Variants in CLASP1 observed in about 807,000 individuals in gnomAD.
CLASP1 encodes CLIP-associating protein 1.
A neutral mutation model predicts 192.3 loss-of-function variants in CLASP1; 38 were observed. That is an observed-to-expected ratio of 0.20 (90% CI 0.15 to 0.26). CLASP1 has a LOEUF of 0.26. Ranked by LOEUF, CLASP1 falls within the 10% of genes least tolerant of loss-of-function variation. The pLI, the probability that CLASP1 is intolerant of heterozygous loss-of-function variation, is 1.00. For missense variants in CLASP1, 1,433 were observed against 1,932.5 expected (o/e 0.74, Z 4.85); for synonymous variants, 691 against 712.8 (o/e 0.97, Z 0.49).
chr2:121,476,966 T>G (rs1280177937), intron 8 of CLASP1, among the ~76,000 whole-genome samples: 2 of 152,252 alleles, frequency 1.3e-5, no homozygotes, highest in East Asian at 3.8e-4. Flanking sequence ...AGGCTGTTTC[T>G]GCTATCTGCA....
intron 2 of CLASP1, among the ~76,000 whole-genome samples, chr2:121,601,724 G>A (rs2063807454): frequency 6.6e-6 from 1 of 152,148 alleles, no homozygotes; most frequent in African/African-American, 2.4e-5. Context: ...GTCTCTGTTT[G>A]CAGATGACAT....
intron 2 of CLASP1, among the ~76,000 whole-genome samples, chr2:121,591,962 C>CA (rs1282100588): frequency 6.6e-6 from 1 of 152,192 alleles, no homozygotes; most frequent in Non-Finnish European, 1.5e-5. Flanking sequence ...TACTTCGAGC[C>CA]ATTTTCATCT....
At chr2:121,463,554 G>A (rs949838247) in intron 9 of CLASP1, among the ~76,000 whole-genome samples, 2 of 152,122 alleles carry the variant, frequency 1.3e-5, no homozygotes, top group African/African-American at 4.8e-5. Flanking sequence ...ATCCCATTGA[G>A]CAGATAGGCC....
chr2:121,520,995 G>A (rs749085128), intron 6 of CLASP1, among the ~76,000 whole-genome samples: 6 of 152,154 alleles, frequency 3.9e-5, no homozygotes, highest in Non-Finnish European at 7.3e-5. Context: ...CTGTGGGAAA[G>A]CTTCTAGAAA....
At chr2:121,599,093 G>C (rs1424372088) in intron 2 of CLASP1, among the ~76,000 whole-genome samples, 1 of 151,770 alleles carries the variant, frequency 6.6e-6, no homozygotes, top group Non-Finnish European at 1.5e-5. Flanking sequence ...GTGAACTCCT[G>C]GCCTCATGAT....
chr2:121,384,658 T>C (rs1010346870), intron 32 of CLASP1, among the ~76,000 whole-genome samples: 3 of 151,892 alleles, frequency 2.0e-5, no homozygotes, highest in Admixed American at 1.3e-4. Flanking sequence ...AATTCCAGCA[T>C]GTTGGGAGGC....
chr2:121,537,332 CAG>C (rs2095113949), intron 2 of CLASP1, among the ~76,000 whole-genome samples: 1 of 151,626 alleles, frequency 6.6e-6, no homozygotes, highest in Non-Finnish European at 1.5e-5. Flanking sequence ...GTTGAGGCTG[CAG>C]TGAGCCGTGA....
intron 2 of CLASP1, among the ~76,000 whole-genome samples, chr2:121,598,274 TTCAAGGCCAGC>T (rs2063378390): frequency 6.6e-6 from 1 of 152,124 alleles, no homozygotes; most frequent in Non-Finnish European, 1.5e-5. Flanking sequence ...CCAAAGAAAG[TTCAAGGCCAGC>T]TCACTGTAGA....
intron 8 of CLASP1, among the ~76,000 whole-genome samples, chr2:121,478,729 C>CACCA (rs2092044615): frequency 1.1e-5 from 1 of 88,852 alleles, no homozygotes; most frequent in African/African-American, 4.3e-5. Flanking sequence ...CACACACACA[C>CACCA]CACACACACA....
At chr2:121,391,933 G>GCAGTCA (rs2074426718) in intron 30 of CLASP1, among the ~76,000 whole-genome samples, 2 of 152,118 alleles carry the variant, frequency 1.3e-5, no homozygotes, top group Non-Finnish European at 2.9e-5. Flanking sequence ...AAAGAGACTC[G>GCAGTCA]CAGTCACAGT....
intron 7 of CLASP1, among the ~76,000 whole-genome samples, chr2:121,506,912 A>G (rs1269166360): frequency 6.6e-6 from 1 of 152,218 alleles, no homozygotes; most frequent in Non-Finnish European, 1.5e-5. Flanking sequence ...TCACTAGAAC[A>G]AAATAAGCAA....
chr2:121,461,852 T>A (rs567423247), intron 10 of CLASP1, among the ~76,000 whole-genome samples: 2 of 152,132 alleles, frequency 1.3e-5, no homozygotes, highest in Non-Finnish European at 2.9e-5. Flanking sequence ...GATTTTTGTA[T>A]CTTTTATAGA....
intron 2 of CLASP1, among the ~76,000 whole-genome samples, chr2:121,538,784 C>CA (rs201663446): frequency 0.061 from 6,437 of 105,778 alleles, 178 homozygotes; most frequent in East Asian, 0.2. Context: ...GACTCAGTCT[C>CA]AAAAAAAAAA....
rs144641893 is a variant in CLASP1 at position 121,522,026 on chromosome 2, AC to A, written c.546+3818del. Among the ~76,000 whole-genome samples, 345 of 152,258 alleles carry A rather than the reference AC, an allele frequency of 2.3e-3. 2 individuals are homozygous for A. The highest frequency in any genetic ancestry group is 7.8e-3 in the African/African-American group (323 of 41,540). ...AAAAGCACATGCAAGCTACACAAGAACCCCAGAAGCAGGAATAATTAACTTG... is the reference window on the plus strand; with the variant it reads ...AAAAGCACATGCAAGCTACACAAGAACCCAGAAGCAGGAATAATTAACTTG... On this transcript the variant is annotated intron_variant, in intron 6 of 39. Coordinates refer to ENST00000263710, the Ensembl canonical transcript of CLASP1.
At chr2:121,415,287 A>G (rs2078384349) in intron 23 of CLASP1, among the ~76,000 whole-genome samples, 1 of 152,212 alleles carries the variant, frequency 6.6e-6, no homozygotes, top group South Asian at 2.1e-4. Context: ...TGTTTGTAAA[A>G]TGGTGCTAAT....
At chr2:121,641,000 A>G (rs1247126498) in intron 1 of CLASP1, among the ~76,000 whole-genome samples, 1 of 152,228 alleles carries the variant, frequency 6.6e-6, no homozygotes, top group Non-Finnish European at 1.5e-5. Flanking sequence ...CTGGGAGAAC[A>G]CTATGACTTA....
chr2:121,455,204 T>G (rs2086367608), intron 14 of CLASP1, among the ~76,000 whole-genome samples: 2 of 152,246 alleles, frequency 1.3e-5, no homozygotes, highest in South Asian at 4.1e-4. Context: ...GGTATAAATT[T>G]CTTTTTTCGT....
At chr2:121,594,843 GA>G (rs1241116867) in intron 2 of CLASP1, among the ~76,000 whole-genome samples, 3 of 152,106 alleles carry the variant, frequency 2.0e-5, no homozygotes, top group Non-Finnish European at 4.4e-5. Flanking sequence ...TAATAATAGA[GA>G]AAACAAGACA....
At chr2:121,488,499 A>C (rs2093120212) in intron 8 of CLASP1, among the ~76,000 whole-genome samples, 2 of 152,348 alleles carry the variant, frequency 1.3e-5, no homozygotes, top group African/African-American at 4.8e-5. Context: ...GGGATTCCAG[A>C]GCACTTGGCC....
Sources: gnomAD v4.1 joint callset for allele counts (sites outside exome capture counted in the v4.1 genomes callset) on GRCh38, gnomAD v4.1.1 for gene constraint, MANE v1.5 for transcripts, NCBI Gene and HGNC (gene_info 2026-07-23, HGNC 2026-07-21) for gene names.